Variants in FAM178B observed in about 807,000 individuals in gnomAD.
FAM178B encodes family with sequence similarity 178 member B.
Under a neutral mutation model 91.7 loss-of-function variants are expected in FAM178B, and 82 were observed. The ratio of observed to expected loss-of-function variants is 0.89; its 90% CI spans 0.75 to 1.07. The LOEUF (loss-of-function observed/expected upper bound fraction) is 1.07, where lower values mean the gene tolerates loss of function less well. Ranked by LOEUF, FAM178B falls within the 50% of genes least tolerant of loss-of-function variation. FAM178B has a pLI of 0.00. For synonymous variants in FAM178B, 368 were observed against 359.4 expected (o/e 1.02, Z -0.27); for missense variants, 769 against 846.7 (o/e 0.91, Z 1.14).
At position 96,923,495 on chromosome 2, in the gene FAM178B, A is replaced by G. The variant is rs1472094143; in HGVS notation, c.1282T>C (p.Tyr428His). ...AGGCAGGCGGCTTGACTCACCTTGTAGATGTGGCCCAGGCTGATGTCCAAG... is the reference window on the plus strand; with the variant it reads ...AGGCAGGCGGCTTGACTCACCTTGTGGATGTGGCCCAGGCTGATGTCCAAG... ...IALDISLGHI[Y>H]KFLALCAQAQ... The change falls in exon 10 of 17, where the codon TAC becomes CAC. Residue 428 changes from tyrosine to histidine, a missense_variant. Transcript: ENST00000490605. The G allele has an allele frequency of 1.4e-5, 21 of 1,551,308 alleles. No homozygotes were observed. Among genetic ancestry groups the G allele is most frequent in the Non-Finnish European group, 1.8e-5 (21 of 1,146,668 alleles).
chr2:96,887,772 A>T (rs2080564757), intron 14 of FAM178B, among the ~76,000 whole-genome samples: 1 of 151,684 alleles, frequency 6.6e-6, no homozygotes, highest in Non-Finnish European at 1.5e-5. Context: ...GAGTTAAAGG[A>T]TGAGGAGACC....
chr2:96,978,066 A>C (rs368344480), intron 1 of FAM178B: 16 of 378,074 alleles, frequency 4.2e-5, no homozygotes, highest in African/African-American at 3.4e-4. Context: ...TCATCCTCAC[A>C]TGCGTCTTCT....
At chr2:96,882,394 C>T (rs1043027677) in intron 14 of FAM178B, among the ~76,000 whole-genome samples, 1 of 152,242 alleles carries the variant, frequency 6.6e-6, no homozygotes, top group African/African-American at 2.4e-5. Flanking sequence ...TCCAACGTGG[C>T]AGGGGCAGGC....
In FAM178B at chr2:96,960,943, G is replaced by A. The variant is rs934275892; in HGVS notation, c.735-503C>T. 3.9e-5 allele frequency among the ~76,000 whole-genome samples: 6 copies of A among 152,134 alleles called. No individual in the cohort carries two copies. The East Asian group carries it at 5.8e-4, about 15-fold the overall frequency. ...GCAAGCAGGTGGCATGGGCGTGGGC[G>A]GAAGCAGGAGGGTCTTGAGCCCATA... is the stretch of plus-strand genomic sequence containing the variant. On this transcript the variant is annotated intron_variant, in intron 5 of 16. Transcript: ENST00000490605.
At chr2:96,976,573 G>T (rs893916171) in intron 1 of FAM178B, among the ~76,000 whole-genome samples, 1 of 151,852 alleles carries the variant, frequency 6.6e-6, no homozygotes, top group Non-Finnish European at 1.5e-5. Context: ...GGCTAGGCAT[G>T]GTGGCTCACG....
At chr2:96,959,563 C>T (rs932573270) in intron 6 of FAM178B, among the ~76,000 whole-genome samples, 1 of 152,214 alleles carries the variant, frequency 6.6e-6, no homozygotes, top group Non-Finnish European at 1.5e-5. Flanking sequence ...GTGTTCCTCA[C>T]CAGGTGGGCA....
intron 9 of FAM178B, among the ~76,000 whole-genome samples, chr2:96,924,665 T>C (rs754324953): frequency 6.6e-6 from 1 of 152,168 alleles, no homozygotes; most frequent in Non-Finnish European, 1.5e-5. Flanking sequence ...TATGGCCGAA[T>C]GTACATTGTT....
At chr2:96,980,120 C>CT (rs1278354483) in intron 1 of FAM178B, among the ~76,000 whole-genome samples, 1 of 152,102 alleles carries the variant, frequency 6.6e-6, no homozygotes, top group Non-Finnish European at 1.5e-5. Flanking sequence ...GTCACCCAGG[C>CT]TGGAGTGCAG....
intron 4 of FAM178B, 89 bp from the exon 5 acceptor site, chr2:96,967,716 C>T (rs1348511231): frequency 1.0e-5 from 9 of 882,694 alleles, no homozygotes; most frequent in Non-Finnish European, 1.6e-5. Context: ...GCCACCAACA[C>T]AGCAAGACCA....
chr2:96,880,488 T>C (rs929952311), intron 14 of FAM178B, among the ~76,000 whole-genome samples: 2 of 152,258 alleles, frequency 1.3e-5, no homozygotes, highest in Admixed American at 6.5e-5. Flanking sequence ...GAGCTCTCTC[T>C]GGGAGAAAGG....
rs371077671 is a variant in FAM178B at position 96,977,724 on chromosome 2, C to T, written c.74-5118G>A. 1.1e-4 allele frequency: 45 copies of T among 418,552 alleles called. No individual in the cohort carries two copies. In the East Asian group the frequency reaches 1.8e-3, roughly 17 times the overall value. 25.9% of individuals were successfully genotyped at this position (418,552 alleles called of 1,614,324 possible). A position where few individuals can be genotyped will look rare whatever the true frequency, so the allele number is the denominator to read the frequency against. On this transcript the variant is annotated intron_variant, in intron 1 of 16. Coordinates refer to ENST00000490605, the MANE Select transcript of FAM178B (RefSeq NM_001122646.3). ...GAGGGGGAAGGAGGGAAGGATATTT[C>T]CTCCTTTTTAGATCAGTTTCTTTTC...
chr2:96,880,002 G>A (rs1559045726), intron 14 of FAM178B, among the ~76,000 whole-genome samples: 1 of 152,262 alleles, frequency 6.6e-6, no homozygotes, highest in Non-Finnish European at 1.5e-5. Context: ...GTCTGGGCCT[G>A]CGTGCCGGAC....
In FAM178B at chr2:96,915,276, A is replaced by AT. The variant is rs537449028; in HGVS notation, c.1562+5888dup. Among the ~76,000 whole-genome samples, 314 of 143,858 alleles carry AT rather than the reference A, an allele frequency of 2.2e-3. 1 individual carries two copies. The highest frequency in any genetic ancestry group is 6.0e-3 in the South Asian group (27 of 4,492). The allele number at this position is 143,858 out of a possible 152,430, so 94.4% of individuals were successfully genotyped here. On this transcript the variant is annotated intron_variant, in intron 12 of 16. Transcript: ENST00000490605. ...AGGTGCATGCCACCATGCCCAGCTA[A>AT]TTTTTTTTTTTTTCTATTTTTAGTA... is the stretch of plus-strand genomic sequence containing the variant.
intron 12 of FAM178B, among the ~76,000 whole-genome samples, chr2:96,918,901 G>C (rs181711310): frequency 1.3e-5 from 2 of 152,264 alleles, no homozygotes; most frequent in African/African-American, 4.8e-5. Context: ...GTCCTGTTCT[G>C]TTCCATTCTG....
At chr2:96,950,213 TTG>T in intron 7 of FAM178B, 2 of 975,116 alleles carry the variant, frequency 2.1e-6, no homozygotes, top group Non-Finnish European at 2.4e-6. Flanking sequence ...CAATGCTCGA[TTG>T]TGTGTTCCGT....
At chr2:96,951,320 C>T in intron 7 of FAM178B, 59 bp downstream of exon 7, 1 of 1,284,676 alleles carries the variant, frequency 7.8e-7, no homozygotes, top group Non-Finnish European at 1.1e-6. Flanking sequence ...GCCTGTGGGC[C>T]TGCCGGGCCA....
intron 14 of FAM178B, among the ~76,000 whole-genome samples, chr2:96,884,174 C>T (rs2080460075): frequency 6.6e-6 from 1 of 152,174 alleles, no homozygotes. Context: ...GGCCTGGGAC[C>T]CCGCCTTCAG....
Position 96,876,302 on chromosome 2 carries a change from A to G in FAM178B, c.2014T>C (p.Tyr672His), listed in dbSNP as rs201518010. ...TAGATGTCTTTCCAGGGGCTGAAAT[A>G]CTGGGCCTGCGGCGAGGAGAAAAGC... ...LLTHCQPQAQ[Y>H]FSPWKDI The change falls in exon 17 of 17, where the codon TAT (tyrosine) becomes CAT (histidine). Residue 672 changes from tyrosine to histidine, a missense_variant. Physicochemically the swap from Tyr to His is moderately conservative, Grantham distance 83. Coordinates refer to ENST00000490605, the MANE Select transcript of FAM178B (RefSeq NM_001122646.3). 5.1e-5 allele frequency: 82 copies of G among 1,604,914 alleles called. No individual in the cohort carries two copies. The Middle Eastern group carries it at 8.3e-4, about 16-fold the overall frequency.
At chr2:96,960,732 C>T (rs2082067640) in intron 5 of FAM178B, among the ~76,000 whole-genome samples, 1 of 152,230 alleles carries the variant, frequency 6.6e-6, no homozygotes, top group Admixed American at 6.5e-5. Flanking sequence ...CCACTGCACA[C>T]CTACAATGCC....
Sources: gnomAD v4.1 joint callset for allele counts (sites outside exome capture counted in the v4.1 genomes callset) on GRCh38, gnomAD v4.1.1 for gene constraint, MANE v1.5 for transcripts, NCBI Gene and HGNC (gene_info 2026-07-23, HGNC 2026-07-21) for gene names.